The following ZAP70 variants were observed in gnomAD, a reference collection of about 807,000 sequenced individuals.
ZAP70 encodes tyrosine-protein kinase ZAP-70.
ZAP70 carries 27 observed loss-of-function variants against 65.8 expected under a neutral mutation model. That is an observed-to-expected ratio of 0.41 (90% CI 0.30 to 0.57). The LOEUF (loss-of-function observed/expected upper bound fraction) is 0.57. ZAP70 is among the 20% of genes least tolerant of loss of function. The probability of loss-of-function intolerance (pLI) is 0.28; values close to 1 mark genes in which losing one functional copy is unlikely to be tolerated. For missense variants in ZAP70, 696 were observed against 870.5 expected (o/e 0.80, Z 2.52); for synonymous variants, 363 against 360.8 (o/e 1.01, Z -0.07).
chr2:97,735,521 C>T (rs1193826342), intron 10 of ZAP70, 65 bp downstream of exon 10: 100 of 1,552,836 alleles, frequency 6.4e-5, no homozygotes, highest in Non-Finnish European at 8.1e-5. Context: ...GCATGGTGGA[C>T]ATGCACCCGC....
Position 97,731,489 on chromosome 2 carries a change from C to T in ZAP70, c.564-1394C>T, listed in dbSNP as rs763629032. 2.4e-4 allele frequency among the ~76,000 whole-genome samples: 37 copies of T among 152,246 alleles called. No individual in the cohort carries two copies. The East Asian group carries it at 3.9e-3, about 16-fold the overall frequency. On this transcript the variant is annotated intron_variant, in intron 4 of 13. Transcript: ENST00000264972. This position sits in a 1 kb window ranked among gnomAD's most constrained non-coding sequence, Gnocchi z 4.0. ...CCCTTTTGTGTGCCCTCATTGCCCC[C>T]GCCCTGATTTCCCATCTCTCCATGT...
chr2:97,748,759 A>G, the ZAP70 span, among the ~76,000 whole-genome samples: 10 of 152,242 alleles, frequency 6.6e-5, no homozygotes, highest in South Asian at 4.1e-4. Flanking sequence ...CCACCTCTAA[A>G]AGACACTGGA....
intron 4 of ZAP70, 74 bp downstream of exon 4, chr2:97,725,326 C>T (rs551404399): frequency 7.6e-6 from 12 of 1,575,550 alleles, no homozygotes; most frequent in Middle Eastern, 1.7e-4. Context: ...CTGGGGCAGA[C>T]GTGAGTGTGC....
At chr2:97,718,160 AGGCAGGTCGAG>A (rs747460001) in intron 2 of ZAP70, among the ~76,000 whole-genome samples, 5 of 152,120 alleles carry the variant, frequency 3.3e-5, no homozygotes, top group Non-Finnish European at 7.4e-5. Context: ...GGGATGGCCC[AGGCAGGTCGAG>A]GGCTGGGGTG....
At chr2:97,743,326 CAT>C (rs1220657193), downstream of ZAP70, among the ~76,000 whole-genome samples, 1 of 152,186 alleles carries the variant, frequency 6.6e-6, no homozygotes, top group Non-Finnish European at 1.5e-5. Flanking sequence ...GCTTTTGTCT[CAT>C]AGTCTCCTGT....
Position 97,735,235 on chromosome 2 carries a change from G to C in ZAP70, c.1083-15G>C, listed in dbSNP as rs1677818471. The C allele has an allele frequency of 6.2e-7, 1 of 1,613,546 alleles. No individual in the cohort carries two copies. The highest frequency in any genetic ancestry group is 1.3e-5 in the African/African-American group (1 of 74,938). ...TGCCCCTCGCCCACGTGCCTCCCGT[G>C]GCCGGGTCGGGCAGGAAGCAGATCG... On this transcript the variant is annotated splice_polypyrimidine_tract_variant and intron_variant, in intron 9 of 13. Coordinates refer to ENST00000264972, the MANE Select transcript of ZAP70 (RefSeq NM_001079.4).
Position 97,735,430 on chromosome 2 carries a change from G to T in ZAP70, c.1263G>T (p.Pro421=). The T allele has an allele frequency of 6.2e-7, 1 of 1,612,642 alleles. No homozygotes were observed. The highest frequency in any genetic ancestry group is 1.1e-5 in the South Asian group (1 of 91,060). The part of the protein sequence containing the change: ...MLVMEMAGGG[P]LHKFLVGKRE... Reference sequence around the variant, plus strand: ...TCATGGAGATGGCTGGGGGCGGGCCGCTGCACAAGTTCCTGGTCGGCAAGA... The same window carrying T: ...TCATGGAGATGGCTGGGGGCGGGCCTCTGCACAAGTTCCTGGTCGGCAAGA... Residue 421 remains proline, a synonymous_variant, in exon 10 of 14, where the codon CCG becomes CCT. Coordinates refer to ENST00000264972, the MANE Select transcript of ZAP70 (RefSeq NM_001079.4).
chr2:97,749,942 G>A, the ZAP70 span, among the ~76,000 whole-genome samples: 2 of 152,242 alleles, frequency 1.3e-5, no homozygotes, highest in Non-Finnish European at 2.9e-5. Flanking sequence ...TCCCCATCAG[G>A]AAGTTGCCAT....
At chr2:97,751,517 T>TA in the ZAP70 span, among the ~76,000 whole-genome samples, 11 of 152,174 alleles carry the variant, frequency 7.2e-5, no homozygotes, top group Non-Finnish European at 1.2e-4. Flanking sequence ...ATGCTATTTT[T>TA]AAAAAAATTC....
At chr2:97,729,917 G>T (rs1195372355) in intron 4 of ZAP70, among the ~76,000 whole-genome samples, 1 of 152,128 alleles carries the variant, frequency 6.6e-6, no homozygotes, top group Non-Finnish European at 1.5e-5. Context: ...ACCCTGAAAT[G>T]TAGTGGCTTA....
chr2:97,743,079 C>T (rs1374723236), downstream of ZAP70, among the ~76,000 whole-genome samples: 1 of 152,138 alleles, frequency 6.6e-6, no homozygotes, highest in East Asian at 1.9e-4. Context: ...CAACCTTATA[C>T]TTCAGGGAGA....
chr2:97,717,440 CCTCTGGCTGGGGGGACACGA>C, intron 2 of ZAP70, among the ~76,000 whole-genome samples: 1 of 149,296 alleles, frequency 6.7e-6, no homozygotes, highest in Non-Finnish European at 1.5e-5. Flanking sequence ...ACATGTGGAG[CCTCTGGCTGGGGGGACACGA>C]GGAGCCTCTG....
the ZAP70 span, among the ~76,000 whole-genome samples, chr2:97,747,928 C>T: frequency 3.4e-5 from 5 of 145,002 alleles, no homozygotes; most frequent in South Asian, 1.1e-3. Context: ...GACATGTCTG[C>T]CAACTCTAAT....
the ZAP70 span, among the ~76,000 whole-genome samples, chr2:97,749,358 G>A: frequency 6.6e-6 from 1 of 152,142 alleles, no homozygotes; most frequent in Non-Finnish European, 1.5e-5. Flanking sequence ...CGCATAGTGC[G>A]CTGTCTGTGT....
At chr2:97,733,395 C>G (rs1213496159) in intron 7 of ZAP70, 52 bp downstream of exon 7, 1 of 1,589,666 alleles carries the variant, frequency 6.3e-7, no homozygotes, top group Non-Finnish European at 8.6e-7. Context: ...TGGGGAGTGG[C>G]TGTGGGGGAG....
chr2:97,746,738 T>C, the ZAP70 span, among the ~76,000 whole-genome samples: 7 of 152,186 alleles, frequency 4.6e-5, no homozygotes, highest in African/African-American at 1.4e-4. Context: ...GTGGACTTCA[T>C]GACATTGAAA....
At chr2:97,717,377 C>CG (rs1209492020) in intron 2 of ZAP70, among the ~76,000 whole-genome samples, 1 of 136,920 alleles carries the variant, frequency 7.3e-6, no homozygotes, top group Non-Finnish European at 1.6e-5. Flanking sequence ...GGGAGACATG[C>CG]GGAGCCTCTG....
At chr2:97,728,897 C>T (rs1262464782) in intron 4 of ZAP70, among the ~76,000 whole-genome samples, 3 of 152,220 alleles carry the variant, frequency 2.0e-5, no homozygotes, top group East Asian at 1.9e-4. Flanking sequence ...GGACTATAGG[C>T]GTGCACCACC....
At chr2:97,747,837 T>TG in the ZAP70 span, among the ~76,000 whole-genome samples, 1 of 138,368 alleles carries the variant, frequency 7.2e-6, no homozygotes, top group South Asian at 2.5e-4. Context: ...TTTTTTTTTT[T>TG]TTTTTTTTTT....
Sources: gnomAD v4.1 joint callset for allele counts (sites outside exome capture counted in the v4.1 genomes callset) on GRCh38, gnomAD v4.1.1 for gene constraint, Gnocchi (gnomAD v3.1) non-coding constraint, MANE v1.5 for transcripts, NCBI Gene and HGNC (gene_info 2026-07-23, HGNC 2026-07-21) for gene names.